GSE1: variants seen among roughly 807,000 people sequenced by gnomAD.
GSE1 encodes the protein genetic suppressor element 1.
Under a neutral mutation model 112.6 loss-of-function variants are expected in GSE1, and 32 were observed. The observed-to-expected ratio is 0.28, with a 90% confidence interval of 0.21 to 0.38. The LOEUF (loss-of-function observed/expected upper bound fraction) is 0.38. Ranked by LOEUF, GSE1 falls within the 10% of genes least tolerant of loss-of-function variation. The pLI, the probability that GSE1 is intolerant of heterozygous loss-of-function variation, is 1.00. For missense variants in GSE1, 2,348 were observed against 1,699.2 expected (o/e 1.38, Z -6.71); for synonymous variants, 1,115 against 735.6 (o/e 1.52, Z -8.35).
At chr16:85,528,760 A>G (rs1355101047) in intron 2 of GSE1, among the ~76,000 whole-genome samples, 1 of 152,050 alleles carries the variant, frequency 6.6e-6, no homozygotes, top group African/African-American at 2.4e-5. Flanking sequence ...GGGATGTCTT[A>G]TCGTCTGGGG....
At chr16:85,181,194 A>G (rs2074576129) in intron 1 of GSE1, among the ~76,000 whole-genome samples, 1 of 152,118 alleles carries the variant, frequency 6.6e-6, no homozygotes, top group South Asian at 2.1e-4. Context: ...TAACTTGGTG[A>G]CCTTGGGCAG....
intron 2 of GSE1, among the ~76,000 whole-genome samples, chr16:85,550,810 G>A (rs1264624349): frequency 6.6e-6 from 1 of 152,226 alleles, no homozygotes; most frequent in Non-Finnish European, 1.5e-5. Flanking sequence ...CCATTTTGAA[G>A]GTGCAGCTGG....
chr16:85,330,852 C>A (rs1028983556), intron 1 of GSE1, among the ~76,000 whole-genome samples: 7 of 152,162 alleles, frequency 4.6e-5, no homozygotes, highest in African/African-American at 1.7e-4. Context: ...CCTTCTTACC[C>A]CAGGCTTGGG....
chr16:85,633,873 T>A, intron 1 of GSE1, 41 bp from the exon 2 acceptor site: 3 of 1,536,934 alleles, frequency 2.0e-6, no homozygotes, highest in Non-Finnish European at 2.7e-6. Context: ...TGGGCGCTCC[T>A]GCTCTCTGGG....
chr16:85,366,404 C>G (rs2047186510), intron 2 of GSE1, among the ~76,000 whole-genome samples: 1 of 152,250 alleles, frequency 6.6e-6, no homozygotes, highest in African/African-American at 2.4e-5. Context: ...TCCAGCTGAG[C>G]TGGGATCCAT....
intron 1 of GSE1, among the ~76,000 whole-genome samples, chr16:85,557,082 C>T (rs1567586124): frequency 6.6e-6 from 1 of 151,952 alleles, no homozygotes; most frequent in Admixed American, 6.5e-5. Flanking sequence ...CTCCTGAATT[C>T]ACCTTATTTG....
At chr16:85,230,829 G>A (rs1388098496) in intron 1 of GSE1, among the ~76,000 whole-genome samples, 2 of 147,742 alleles carry the variant, frequency 1.4e-5, no homozygotes, top group Non-Finnish European at 3.0e-5. Context: ...GTGTGTGGAA[G>A]ACTAGATGGA....
rs1481228423 is a variant in GSE1 at position 85,666,097 on chromosome 16, G to A, written c.2880G>A (p.Leu960=). The A allele has an allele frequency of 2.5e-6, 4 of 1,613,216 alleles. No homozygotes were observed. In the South Asian group the frequency reaches 3.3e-5, roughly 13 times the overall value. The stretch of plus-strand genomic sequence containing the variant: ...TGGAACAGGTCCGGCCCCAGGAGCT[G>A]TCGAGAGTCCAGGAGCTAGCTCCTG... The part of the protein sequence containing the change: ...GKLEQVRPQE[L]SRVQELAPAS... Residue 960 remains leucine, a synonymous_variant, in exon 13 of 16, where the codon CTG becomes CTA. Transcript: ENST00000253458.
chr16:85,347,348 G>A (rs1342531249), intron 1 of GSE1, among the ~76,000 whole-genome samples: 1 of 152,134 alleles, frequency 6.6e-6, no homozygotes, highest in Admixed American at 6.5e-5. Flanking sequence ...CCACATCTTG[G>A]GGCGCTGGCC....
chr16:85,178,911 T>C (rs1019814293), intron 1 of GSE1, among the ~76,000 whole-genome samples: 1 of 151,684 alleles, frequency 6.6e-6, no homozygotes, highest in African/African-American at 2.4e-5. Context: ...ACGTTGTCCA[T>C]TGTAGCAGCG....
intron 1 of GSE1, among the ~76,000 whole-genome samples, chr16:85,237,534 A>C (rs191187295): frequency 0.01 from 1,537 of 151,848 alleles, 7 homozygotes; most frequent in Non-Finnish European, 0.017. Context: ...GGTACTGGGG[A>C]GCCACTGAAA....
chr16:85,226,314 T>C (rs1320766019), intron 1 of GSE1, among the ~76,000 whole-genome samples: 1 of 152,240 alleles, frequency 6.6e-6, no homozygotes, highest in Admixed American at 6.5e-5. Context: ...TTGATACTGA[T>C]TGCCATTTTA....
chr16:85,444,934 C>T (rs2049471546), intron 2 of GSE1, among the ~76,000 whole-genome samples: 1 of 152,230 alleles, frequency 6.6e-6, no homozygotes, highest in Admixed American at 6.5e-5. Flanking sequence ...CCCCCGCCTC[C>T]CCACTGCCCA....
chr16:85,274,976 C>T (rs1597257312), intron 1 of GSE1, among the ~76,000 whole-genome samples: 1 of 152,348 alleles, frequency 6.6e-6, no homozygotes, highest in East Asian at 1.9e-4. Flanking sequence ...TCTCCATCAG[C>T]AGCCTTGAGG....
chr16:85,504,680 T>C (rs536308073), intron 2 of GSE1, among the ~76,000 whole-genome samples: 1 of 152,264 alleles, frequency 6.6e-6, no homozygotes, highest in South Asian at 2.1e-4. Flanking sequence ...AGTGAGCCAA[T>C]TTAGATAAAT....
intron 2 of GSE1, among the ~76,000 whole-genome samples, chr16:85,446,678 G>C (rs928227700): frequency 4.3e-4 from 66 of 152,326 alleles, no homozygotes; most frequent in African/African-American, 1.6e-3. Flanking sequence ...ATGGCAGGGA[G>C]ACCTACCGTG....
At chr16:85,354,204 A>G (rs1296730934) in intron 1 of GSE1, among the ~76,000 whole-genome samples, 1 of 152,116 alleles carries the variant, frequency 6.6e-6, no homozygotes, top group Non-Finnish European at 1.5e-5. Context: ...CCCTCTTGCC[A>G]TCTTCTGTTC....
At chr16:85,483,665 C>T (rs1295140460) in intron 2 of GSE1, among the ~76,000 whole-genome samples, 2 of 152,280 alleles carry the variant, frequency 1.3e-5, no homozygotes, top group Non-Finnish European at 2.9e-5. Flanking sequence ...CTCCTGGCCG[C>T]ACACCTGAGA....
At chr16:85,466,436 C>T (rs1361723432) in intron 2 of GSE1, among the ~76,000 whole-genome samples, 1 of 152,202 alleles carries the variant, frequency 6.6e-6, no homozygotes, top group Non-Finnish European at 1.5e-5. Flanking sequence ...AGGCTCTGCC[C>T]CTGAGATTCC....
Sources: gnomAD v4.1 joint callset for allele counts (sites outside exome capture counted in the v4.1 genomes callset) on GRCh38, gnomAD v4.1.1 for gene constraint, MANE v1.5 for transcripts, NCBI Gene and HGNC (gene_info 2026-07-23, HGNC 2026-07-21) for gene names.